Variants in LARP4B observed in about 807,000 individuals in gnomAD.
The protein encoded by LARP4B is La ribonucleoprotein 4B.
A neutral mutation model predicts 89.8 loss-of-function variants in LARP4B; 12 were observed. That is an observed-to-expected ratio of 0.13 (90% confidence interval 0.09 to 0.22). The LOEUF (loss-of-function observed/expected upper bound fraction) is 0.22. Among genes scored for constraint, LARP4B ranks in the 10% least tolerant of loss-of-function variants. LARP4B has a pLI of 1.00. For missense variants in LARP4B, 757 were observed against 947.7 expected (o/e 0.80, Z 2.64); for synonymous variants, 367 against 363.3 (o/e 1.01, Z -0.12).
At chr10:953,726 C>G in the LARP4B span, among the ~76,000 whole-genome samples, 1 of 152,244 alleles carries the variant, frequency 6.6e-6, no homozygotes, top group Non-Finnish European at 1.5e-5. Context: ...GTGTAATTGG[C>G]AGGATTTGCT....
chr10:903,413 A>G (rs1475519830), intron 1 of LARP4B: 1 of 152,250 alleles, frequency 6.6e-6, no homozygotes, highest in Admixed American at 6.5e-5. Flanking sequence ...GGAATTGCAT[A>G]TATAAACTTA....
chr10:845,917 T>C (rs534846623), intron 5 of LARP4B, among the ~76,000 whole-genome samples: 60 of 152,224 alleles, frequency 3.9e-4, no homozygotes, highest in African/African-American at 1.4e-3. Flanking sequence ...TTAAAGACCA[T>C]GAAAAGGCAA....
intron 1 of LARP4B, among the ~76,000 whole-genome samples, chr10:892,074 G>A (rs1836044939): frequency 6.6e-6 from 1 of 152,230 alleles, no homozygotes; most frequent in South Asian, 2.1e-4. Context: ...TATTCAATGG[G>A]AGAAAAGAAT....
At chr10:826,480 A>G (rs1832630658) in intron 11 of LARP4B, among the ~76,000 whole-genome samples, 2 of 152,254 alleles carry the variant, frequency 1.3e-5, no homozygotes, top group South Asian at 4.1e-4. Flanking sequence ...AGAACCCCTA[A>G]AAGATCTTAA....
chr10:975,443 A>G, the LARP4B span, among the ~76,000 whole-genome samples: 1 of 152,236 alleles, frequency 6.6e-6, no homozygotes, highest in Non-Finnish European at 1.5e-5. Context: ...GTACTCCTAG[A>G]ATTTCTTCTT....
chr10:925,436 T>A (rs546977107), intron 1 of LARP4B, among the ~76,000 whole-genome samples: 9 of 152,192 alleles, frequency 5.9e-5, no homozygotes, highest in African/African-American at 2.2e-4. Context: ...ATTTTCAATA[T>A]TGCAATTGTT....
intron 8 of LARP4B, 91 bp from the exon 9 acceptor site, chr10:831,068 G>A: frequency 1.8e-6 from 1 of 569,420 alleles, no homozygotes; most frequent in African/African-American, 1.9e-5. Context: ...ATTCTCTTAA[G>A]GAACTATCCT....
At chr10:826,022 A>C in intron 11 of LARP4B, 152 bp from the exon 12 acceptor site, 1 of 604,902 alleles carries the variant, frequency 1.7e-6, no homozygotes, top group Non-Finnish European at 2.9e-6. Context: ...TTTATCACCA[A>C]TGGGTGCTGT....
intron 6 of LARP4B, among the ~76,000 whole-genome samples, chr10:843,694 T>C (rs1438636395): frequency 6.6e-6 from 1 of 151,556 alleles, no homozygotes; most frequent in African/African-American, 2.4e-5. Flanking sequence ...AGTGAAACTC[T>C]GACTCAAAAA....
chr10:869,668 C>T (rs1835094743), intron 3 of LARP4B, among the ~76,000 whole-genome samples: 1 of 152,028 alleles, frequency 6.6e-6, no homozygotes, highest in Admixed American at 6.6e-5. Flanking sequence ...GGGTGGATCT[C>T]CTGAGGTCAG....
chr10:972,609 G>T, the LARP4B span: 1 of 457,318 alleles, frequency 2.2e-6, no homozygotes, highest in Non-Finnish European at 4.4e-6. Flanking sequence ...GGGGTGTTTA[G>T]AGACTTCCAA....
chr10:842,763 C>T (rs958027506), intron 7 of LARP4B, among the ~76,000 whole-genome samples, 169 bp downstream of exon 7: 1 of 152,088 alleles, frequency 6.6e-6, no homozygotes, highest in African/African-American at 2.4e-5. Context: ...GACTATCAGG[C>T]GCTACTCCAG....
chr10:845,220 C>CA (rs552777740), intron 5 of LARP4B, among the ~76,000 whole-genome samples, 165 bp from the exon 6 acceptor site: 53 of 151,946 alleles, frequency 3.5e-4, no homozygotes, highest in Non-Finnish European at 6.5e-4. Flanking sequence ...GTAAATCATG[C>CA]AAAAAAACCT....
At chr10:897,999 A>AT (rs1836238452) in intron 1 of LARP4B, among the ~76,000 whole-genome samples, 1 of 144,734 alleles carries the variant, frequency 6.9e-6, no homozygotes. Context: ...AAAAAAAAAA[A>AT]AAAAAAAAAA....
the LARP4B span, among the ~76,000 whole-genome samples, chr10:937,804 C>G: frequency 6.6e-6 from 1 of 152,190 alleles, no homozygotes; most frequent in Non-Finnish European, 1.5e-5. Context: ...ATGACATGGG[C>G]AAACCTAGAT....
intron 14 of LARP4B, 75 bp downstream of exon 14, chr10:820,725 A>C: frequency 7.6e-7 from 1 of 1,314,438 alleles, no homozygotes; most frequent in Non-Finnish European, 1.1e-6. Flanking sequence ...ACCTTAATCC[A>C]TTTAATTAAA....
At chr10:832,439 G>A (rs924880807) in intron 8 of LARP4B, among the ~76,000 whole-genome samples, 6 of 152,160 alleles carry the variant, frequency 3.9e-5, no homozygotes, top group African/African-American at 2.4e-5. Flanking sequence ...CAGCTGACTA[G>A]ACACTTTCTG....
At chr10:899,077 T>C (rs1588973479) in intron 1 of LARP4B, among the ~76,000 whole-genome samples, 1 of 152,214 alleles carries the variant, frequency 6.6e-6, no homozygotes, top group East Asian at 1.9e-4. Context: ...GATTTTAGCA[T>C]GTAAAGATAA....
chr10:900,675 A>G (rs1168343680), intron 1 of LARP4B, among the ~76,000 whole-genome samples: 5 of 145,468 alleles, frequency 3.4e-5, no homozygotes, highest in African/African-American at 7.7e-5. Flanking sequence ...GCTGGAGTGC[A>G]GTGGCACAAT....
Sources: gnomAD v4.1 joint callset for allele counts (sites outside exome capture counted in the v4.1 genomes callset) on GRCh38, gnomAD v4.1.1 for gene constraint, MANE v1.5 for transcripts, NCBI Gene and HGNC (gene_info 2026-07-23, HGNC 2026-07-21) for gene names.